Variants in SBF2 observed in about 807,000 individuals in gnomAD.
SBF2 encodes the protein SET binding factor 2, also known as myotubularin-related protein 13.
A neutral mutation model predicts 225.2 loss-of-function variants in SBF2; 112 were observed. The observed-to-expected ratio is 0.50, with a 90% CI of 0.43 to 0.58. The LOEUF is 0.58. SBF2 is among the 20% of genes least tolerant of loss of function. SBF2 has a pLI of 0.00. For synonymous variants in SBF2, 763 were observed against 773.3 expected (o/e 0.99, Z 0.22); for missense variants, 1,996 against 2,206.2 (o/e 0.90, Z 1.91).
chr11:10,230,126 G>C (rs1412763373), intron 1 of SBF2, among the ~76,000 whole-genome samples: 7 of 152,058 alleles, frequency 4.6e-5, no homozygotes, highest in Middle Eastern at 3.2e-3. Context: ...TCAGAGACTA[G>C]GATTGCAATC....
chr11:9,852,769 T>A lies in SBF2; in HGVS notation c.2537-20A>T, dbSNP rs1482328945. 1 of 1,563,196 alleles carries A rather than the reference T, an allele frequency of 6.4e-7. No homozygotes were observed. The highest frequency in any genetic ancestry group is 1.4e-5 in the African/African-American group (1 of 73,978). ...CAATTCCTAGGATGAGTCAGAGTAT[T>A]CAAAATGAAAGAACACAGACAAGCA... is the stretch of plus-strand genomic sequence containing the variant. On this transcript the variant is annotated intron_variant, in intron 20 of 39. Transcript: ENST00000256190.
At chr11:10,252,558 C>T (rs1960461872) in intron 1 of SBF2, among the ~76,000 whole-genome samples, 1 of 152,212 alleles carries the variant, frequency 6.6e-6, no homozygotes, top group Admixed American at 6.5e-5. Context: ...AATCCCAGCA[C>T]TTTGGGAGGC....
intron 16 of SBF2, among the ~76,000 whole-genome samples, chr11:9,926,746 G>A (rs1864086348): frequency 6.6e-6 from 1 of 152,116 alleles, no homozygotes; most frequent in Admixed American, 6.5e-5. Flanking sequence ...CTGCTAATAA[G>A]GCGGTATTTA....
chr11:10,174,832 C>T (rs7117790), intron 2 of SBF2, among the ~76,000 whole-genome samples: 2 of 151,548 alleles, frequency 1.3e-5, no homozygotes, highest in African/African-American at 4.9e-5. Flanking sequence ...ACTCTACAAG[C>T]CAGAAGACAG....
chr11:10,201,705 T>G (rs939298330), intron 1 of SBF2, among the ~76,000 whole-genome samples: 1 of 152,124 alleles, frequency 6.6e-6, no homozygotes, highest in African/African-American at 2.4e-5. Flanking sequence ...TTTACAGAAG[T>G]GAAAAAGAAT....
chr11:9,983,241 G>C (rs556482789), intron 13 of SBF2, among the ~76,000 whole-genome samples: 2 of 152,194 alleles, frequency 1.3e-5, no homozygotes, highest in African/African-American at 2.4e-5. Context: ...CTACTGGGGG[G>C]CACAGCGGGA....
At chr11:9,868,671 A>G (rs530668505) in intron 17 of SBF2, among the ~76,000 whole-genome samples, 1 of 152,222 alleles carries the variant, frequency 6.6e-6, no homozygotes, top group East Asian at 1.9e-4. Context: ...ATTTTATTCT[A>G]GTTTCTTTTT....
chr11:10,069,348 C>T (rs1208383227), intron 2 of SBF2, among the ~76,000 whole-genome samples: 1 of 129,914 alleles, frequency 7.7e-6, no homozygotes, highest in Non-Finnish European at 1.5e-5. Context: ...GTGTGATGTT[C>T]CCCACCCTAT....
intron 2 of SBF2, among the ~76,000 whole-genome samples, chr11:10,049,706 G>A (rs996833518): frequency 1.3e-5 from 2 of 152,018 alleles, no homozygotes; most frequent in Non-Finnish European, 2.9e-5. Context: ...AGTATAAAGG[G>A]TACTGAGACT....
chr11:9,979,430 T>C (rs549859859), intron 13 of SBF2, among the ~76,000 whole-genome samples: 3 of 152,190 alleles, frequency 2.0e-5, no homozygotes, highest in Non-Finnish European at 4.4e-5. Flanking sequence ...TCTCATATGA[T>C]CATGCTGTAA....
In SBF2 at chr11:10,028,534, T is replaced by C. The variant is rs1949131586; in HGVS notation, c.537A>G (p.Gly179=). Residue 179 remains glycine (G), a synonymous_variant, in exon 6 of 40, where the codon GGA becomes GGG. Coordinates refer to ENST00000256190, the MANE Select transcript of SBF2 (RefSeq NM_030962.4). ...AAGGAGTCTGGATCAACTGTCTATCTCCTGCACCCAAAGAAAACAGCTTCT... is the reference window on the plus strand; with the variant it reads ...AAGGAGTCTGGATCAACTGTCTATCCCCTGCACCCAAAGAAAACAGCTTCT... ...GSQKLFSLGA[G]DRQLIQTPLH... 1 of 1,612,902 alleles carries C rather than the reference T, an allele frequency of 6.2e-7. No individual in the cohort carries two copies. Among genetic ancestry groups the C allele is most frequent in the Admixed American group, 1.7e-5 (1 of 59,978 alleles).
intron 2 of SBF2, among the ~76,000 whole-genome samples, chr11:10,166,055 TA>T (rs543089457): frequency 6.8e-4 from 104 of 152,258 alleles, no homozygotes; most frequent in African/African-American, 2.4e-3. Context: ...ACCGAGTCCA[TA>T]AGGGCATTGC....
intron 28 of SBF2, among the ~76,000 whole-genome samples, chr11:9,826,120 T>C (rs1855046355): frequency 6.6e-6 from 1 of 152,198 alleles, no homozygotes; most frequent in Non-Finnish European, 1.5e-5. Context: ...AAACATGAAA[T>C]TTCCTAGTTG....
intron 17 of SBF2, among the ~76,000 whole-genome samples, chr11:9,876,167 G>A (rs917492727): frequency 6.6e-6 from 1 of 152,092 alleles, no homozygotes; most frequent in Non-Finnish European, 1.5e-5. Context: ...CGAGTTGAAT[G>A]CTCTGTGTAC....
At chr11:10,009,883 G>C (rs1948369691) in intron 6 of SBF2, among the ~76,000 whole-genome samples, 1 of 152,162 alleles carries the variant, frequency 6.6e-6, no homozygotes, top group Admixed American at 6.5e-5. Flanking sequence ...GAGTGTAAAA[G>C]AATTCCTATT....
chr11:10,104,405 A>C (rs1343138313), intron 2 of SBF2, among the ~76,000 whole-genome samples: 1 of 152,206 alleles, frequency 6.6e-6, no homozygotes, highest in African/African-American at 2.4e-5. Context: ...ATGGCTGCCC[A>C]CTTCTTTGTC....
intron 2 of SBF2, among the ~76,000 whole-genome samples, chr11:10,155,412 A>G (rs1205859862): frequency 6.6e-6 from 1 of 152,152 alleles, no homozygotes; most frequent in African/African-American, 2.4e-5. Context: ...CATAAGTATG[A>G]GGCCTCCCTG....
intron 16 of SBF2, among the ~76,000 whole-genome samples, chr11:9,910,077 G>C (rs1862471134): frequency 6.6e-6 from 1 of 152,092 alleles, no homozygotes; most frequent in South Asian, 2.1e-4. Flanking sequence ...CAGGTTAGGG[G>C]AACATTTCTT....
intron 29 of SBF2, among the ~76,000 whole-genome samples, chr11:9,813,260 G>A (rs576520523): frequency 3.9e-4 from 60 of 152,306 alleles, no homozygotes; most frequent in Non-Finnish European, 7.5e-4. Flanking sequence ...ATGAAAAAAG[G>A]TAGAGATAAA....
Sources: allele counts gnomAD v4.1 joint callset (sites outside exome capture counted in the v4.1 genomes callset), GRCh38; gene constraint gnomAD v4.1.1; transcripts MANE v1.5; gene names NCBI Gene and HGNC (gene_info 2026-07-23, HGNC 2026-07-21).